The following CHRNA1 variants were observed in gnomAD, a reference collection of about 807,000 sequenced individuals.
CHRNA1 encodes the protein acetylcholine receptor subunit alpha.
A neutral mutation model predicts 47.1 loss-of-function variants in CHRNA1; 35 were observed. That is an observed-to-expected ratio of 0.74 (90% CI 0.57 to 0.99). CHRNA1 has a LOEUF of 0.99. Among genes scored for constraint, CHRNA1 ranks in the 50% least tolerant of loss-of-function variants. The pLI is 0.00. For synonymous variants in CHRNA1, 229 were observed against 223.6 expected (o/e 1.02, Z -0.22); for missense variants, 506 against 591.1 (o/e 0.86, Z 1.49).
intron 3 of CHRNA1, among the ~76,000 whole-genome samples, chr2:174,758,521 T>C (rs890621163): frequency 6.6e-5 from 10 of 152,174 alleles, no homozygotes; most frequent in Non-Finnish European, 1.3e-4. Flanking sequence ...ACTCAGGAAA[T>C]GTTCACTGGA....
intron 7 of CHRNA1, among the ~76,000 whole-genome samples, chr2:174,749,311 C>A (rs1259921881): frequency 6.8e-6 from 1 of 146,302 alleles, no homozygotes; most frequent in African/African-American, 2.8e-5. Context: ...GGGACTCTTA[C>A]TCTCCTCTTA....
chr2:174,753,268 G>A lies in CHRNA1; in HGVS notation c.778+235C>T, dbSNP rs560207624. The stretch of plus-strand genomic sequence containing the variant: ...CTTTAACCAGCCTAAGCTACACTGT[G>A]CATCTCTAGGGTCATGTTCAACTCC... On this transcript the variant is annotated intron_variant, in intron 6 of 8. Transcript: ENST00000348749. The A allele has an allele frequency of 1.7e-4, 112 of 667,372 alleles. 2 individuals are homozygous for A. In the South Asian group the frequency reaches 1.8e-3, roughly 11 times the overall value. 41.3% of individuals were successfully genotyped at this position (667,372 alleles called of 1,614,324 possible).
rs926825470 is a variant in CHRNA1, at chr2:174,753,392, G to A, written c.778+111C>T. 12 of 1,067,232 alleles carry A rather than the reference G, an allele frequency of 1.1e-5. No homozygotes were observed. The African/African-American group carries it at 1.9e-4, about 17-fold the overall frequency. The allele number at this position is 1,067,232 out of a possible 1,614,324, so 66.1% of individuals were successfully genotyped here. A position where few individuals can be genotyped will look rare whatever the true frequency, so the allele number is the denominator to read the frequency against. Reference sequence around the variant, plus strand: ...GCAAATGCACCCTCCTAATGATGATGGTTCGGGTCGATCTGCCTGTTTGTT... The same window carrying A: ...GCAAATGCACCCTCCTAATGATGATAGTTCGGGTCGATCTGCCTGTTTGTT... On this transcript the variant is annotated intron_variant, in intron 6 of 8. Transcript: ENST00000348749.
At position 174,749,933 on chromosome 2, in the gene CHRNA1, C is replaced by T. The variant is rs1248124407; in HGVS notation, c.1002+13G>A. ...TGCCTCCGTGTGAAGTCTGCAGGGG[C>T]CTCCCCACTCACCTTCCGCACCCAG... On this transcript the variant is annotated intron_variant, in intron 7 of 8. Transcript: ENST00000348749. The T allele has an allele frequency of 1.9e-6, 3 of 1,610,924 alleles. No homozygotes were observed. Among genetic ancestry groups the T allele is most frequent in the East Asian group, 2.2e-5 (1 of 44,874 alleles).
Position 174,754,300 on chromosome 2 carries a change from G to T in CHRNA1, c.459C>A (p.Thr153=). The change falls in exon 5 of 9, where the codon ACC becomes ACA. Residue 153 remains threonine (T), a synonymous_variant. Coordinates refer to ENST00000348749, the MANE Select transcript of CHRNA1 (RefSeq NM_000079.4). ...IFKSYCEIIV[T]HFPFDEQNCS... Reference sequence around the variant, plus strand: ...AGTTCTGTTCATCAAAGGGAAAGTGGGTGACGATGATCTCACAGTAGCTTT... The same window carrying T: ...AGTTCTGTTCATCAAAGGGAAAGTGTGTGACGATGATCTCACAGTAGCTTT... 1.2e-6 allele frequency: 2 copies of T among 1,614,214 alleles called. No homozygotes were observed. The highest frequency in any genetic ancestry group is 1.7e-6 in the Non-Finnish European group (2 of 1,180,040).
At chr2:174,757,886 T>C in intron 3 of CHRNA1, 2 of 1,042,656 alleles carry the variant, frequency 1.9e-6, no homozygotes, top group Non-Finnish European at 3.0e-6. Flanking sequence ...TCAAACAACT[T>C]ACCTATATTA....
At chr2:174,760,934 C>T (rs902696756) in intron 1 of CHRNA1, among the ~76,000 whole-genome samples, 45 of 152,108 alleles carry the variant, frequency 3.0e-4, no homozygotes, top group Non-Finnish European at 1.3e-4. Flanking sequence ...TTTCTATCTA[C>T]ACCCCTTTTC....
Position 174,762,827 on chromosome 2 carries a change from T to C in CHRNA1, c.43+1525A>G, listed in dbSNP as rs1684123161. On this transcript the variant is annotated intron_variant, in intron 1 of 8. Coordinates refer to ENST00000348749, the MANE Select transcript of CHRNA1 (RefSeq NM_000079.4). ...CCACAGTTTCAAAGTGTTCCTTTTGTACCACACTGGTTCCATTTGTATTTG... is the reference window on the plus strand; with the variant it reads ...CCACAGTTTCAAAGTGTTCCTTTTGCACCACACTGGTTCCATTTGTATTTG... Among the ~76,000 whole-genome samples, 3 of 152,394 alleles carry C rather than the reference T, an allele frequency of 2.0e-5. No homozygotes were observed. The South Asian group carries it at 6.2e-4, about 32-fold the overall frequency.
At chr2:174,752,590 A>G (rs1029187036) in intron 6 of CHRNA1, among the ~76,000 whole-genome samples, 7 of 151,626 alleles carry the variant, frequency 4.6e-5, no homozygotes, top group African/African-American at 1.7e-4. Flanking sequence ...CAAAAATGAA[A>G]CCCCAAATGC....
Position 174,759,591 on chromosome 2 carries a change from G to A in CHRNA1, c.86C>T (p.Ala29Val). Residue 29 changes from alanine (A) to valine (V), a missense_variant, in exon 2 of 9, where the codon GCA (alanine) becomes GTA (valine). Physicochemically the swap from Ala to Val is moderately conservative, Grantham distance 64 (BLOSUM62 0). Transcript: ENST00000348749. ...LGSEHETRLV[A>V]KLFKDYSSVV... ...GCTGCTGTAGTCTTTAAATAGCTTT[G>A]CCACCAGACGGGTCTCATGTTCGGA... The A allele has an allele frequency of 6.2e-7, 1 of 1,613,912 alleles. No homozygotes were observed. The highest frequency in any genetic ancestry group is 8.5e-7 in the Non-Finnish European group (1 of 1,179,968).
chr2:174,748,007 G>T lies in CHRNA1; in HGVS notation c.*117C>A. The T allele has an allele frequency of 7.8e-7, 1 of 1,275,614 alleles. No homozygotes were observed. The highest frequency in any genetic ancestry group is 1.1e-6 in the Non-Finnish European group (1 of 897,272). 79.0% of individuals were successfully genotyped at this position (1,275,614 alleles called of 1,614,324 possible). On this transcript the variant is annotated 3_prime_UTR_variant, in exon 9 of 9. Coordinates refer to ENST00000348749, the MANE Select transcript of CHRNA1 (RefSeq NM_000079.4). ...AGGTAAATCTTATCATCAATAATAAGTATGGAATATAACACGTTTGATAAG... is the reference window on the plus strand; with the variant it reads ...AGGTAAATCTTATCATCAATAATAATTATGGAATATAACACGTTTGATAAG...
In CHRNA1 at chr2:174,755,171, C is replaced by T. The variant is rs145966636; in HGVS notation, c.345-757G>A. 1.6e-3 allele frequency among the ~76,000 whole-genome samples: 249 copies of T among 152,154 alleles called. 6 individuals are homozygous for T. The East Asian group carries it at 0.043, about 26-fold the overall frequency. ...AAGTGCTAGGATTACAGGAGTGAGC[C>T]ACCGTGCCTGACTGGCCTACTACTT... On this transcript the variant is annotated intron_variant, in intron 4 of 8. Coordinates refer to ENST00000348749, the MANE Select transcript of CHRNA1 (RefSeq NM_000079.4).
At position 174,764,434 on chromosome 2, in the gene CHRNA1, C is replaced by T. The variant is rs904546539; in HGVS notation, c.-40G>A. 7 of 1,603,856 alleles carry T rather than the reference C, an allele frequency of 4.4e-6. No individual in the cohort carries two copies. In the African/African-American group the frequency reaches 6.7e-5, roughly 15 times the overall value. ...TGTGTGGACCAGGGCAGAGTGGTGG[C>T]CTGTGCTTCTCACTGGCACTCTGGC... On this transcript the variant is annotated 5_prime_UTR_variant, in exon 1 of 9. Transcript: ENST00000348749.
chr2:174,748,971 A>AT, intron 7 of CHRNA1, 152 bp from the exon 8 acceptor site: 2 of 1,029,544 alleles, frequency 1.9e-6, no homozygotes, highest in East Asian at 5.2e-5. Flanking sequence ...ACTATACTAG[A>AT]TTTTTTCAAA....
chr2:174,762,029 C>T (rs1242377935), intron 1 of CHRNA1, among the ~76,000 whole-genome samples: 1 of 152,108 alleles, frequency 6.6e-6, no homozygotes, highest in Non-Finnish European at 1.5e-5. Context: ...GCAGACCAAC[C>T]CTATGGCCCA....
At chr2:174,749,828 C>T in intron 7 of CHRNA1, 118 bp downstream of exon 7, 1 of 901,404 alleles carries the variant, frequency 1.1e-6, no homozygotes, top group South Asian at 1.4e-5. Flanking sequence ...TCCCTAAAGC[C>T]CAAAGAGAAC....
At chr2:174,751,826 G>A (rs1368883805) in intron 6 of CHRNA1, among the ~76,000 whole-genome samples, 3 of 151,662 alleles carry the variant, frequency 2.0e-5, no homozygotes, top group South Asian at 4.2e-4. Context: ...TTACAGGCAC[G>A]TGCCACCACA....
intron 3 of CHRNA1, among the ~76,000 whole-genome samples, chr2:174,758,858 A>G (rs1290250408): frequency 6.6e-6 from 1 of 152,114 alleles, no homozygotes; most frequent in African/African-American, 2.4e-5. Context: ...GTCTTCATAA[A>G]AAGGGGGAAT....
chr2:174,748,684 T>C lies in CHRNA1; in HGVS notation c.1138A>G (p.Met380Val), dbSNP rs753734730. Reference sequence around the variant, plus strand: ...TTGATCAGGGGAGAGTGGAAGCCCATGGGTGGAGGCCCTGGCTTTCCAGAA... The same window carrying C: ...TTGATCAGGGGAGAGTGGAAGCCCACGGGTGGAGGCCCTGGCTTTCCAGAA... The part of the protein sequence containing the change: ...DISGKPGPPP[M>V]GFHSPLIKHP... Residue 380 changes from methionine (M) to valine (V), a missense_variant, in exon 8 of 9, where the codon ATG becomes GTG. Physicochemically the swap from Met to Val is conservative, Grantham distance 21 (BLOSUM62 1). Transcript: ENST00000348749. 1 of 1,614,236 alleles carries C rather than the reference T, an allele frequency of 6.2e-7. No individual in the cohort carries two copies. Among genetic ancestry groups the C allele is most frequent in the Non-Finnish European group, 8.5e-7 (1 of 1,180,040 alleles).
Sources: gnomAD v4.1 joint callset for allele counts (sites outside exome capture counted in the v4.1 genomes callset) on GRCh38, gnomAD v4.1.1 for gene constraint, MANE v1.5 for transcripts, NCBI Gene and HGNC (gene_info 2026-07-23, HGNC 2026-07-21) for gene names.